The following GCA variants were observed in gnomAD, a reference collection of about 807,000 sequenced individuals.
GCA encodes grancalcin, EF-hand calcium-binding protein.
GCA carries 30 observed loss-of-function variants against 32.6 expected under a neutral mutation model. The observed-to-expected ratio is 0.92, with a 90% CI of 0.69 to 1.25. GCA has a LOEUF of 1.25. GCA is among the 50% of genes most tolerant of loss of function. The pLI, the probability that GCA is intolerant of heterozygous loss-of-function variation, is 0.00. For missense variants in GCA, 291 were observed against 266.8 expected (o/e 1.09, Z -0.63); for synonymous variants, 102 against 84.6 (o/e 1.21, Z -1.13).
Position 162,371,040 on chromosome 2 carries a change from G to T in GCA, c.366-266G>T, listed in dbSNP as rs75164340. Among the ~76,000 whole-genome samples, 1,216 of 152,186 alleles carry T rather than the reference G, an allele frequency of 8.0e-3. 10 individuals carry two copies. Among genetic ancestry groups the T allele is most frequent in the Non-Finnish European group, 0.013 (912 of 67,990 alleles). ...ACAAGAAAGCTGTGGATATCAGTTT[G>T]TGTTAATCACAGTTTAGCAGTACTT... On this transcript the variant is annotated intron_variant, in intron 4 of 4. Transcript: ENST00000414723.
At chr2:162,327,432 A>C (rs888895091) in intron 1 of GCA, among the ~76,000 whole-genome samples, 1 of 152,216 alleles carries the variant, frequency 6.6e-6, no homozygotes, top group Non-Finnish European at 1.5e-5. Context: ...TGCTAGGAGA[A>C]GAACCTCTCA....
chr2:162,352,319 C>G lies in GCA; in HGVS notation c.193-19C>G. On this transcript the variant is annotated intron_variant, in intron 2 of 7. Transcript: ENST00000437150. ...TATACAACTGCACATTAAATTAGGT[C>G]ATAATTATTTTTAAACAGGATGGTG... The G allele has an allele frequency of 7.6e-6, 11 of 1,449,450 alleles. No individual in the cohort carries two copies. Among genetic ancestry groups the G allele is most frequent in the Non-Finnish European group, 1.1e-5 (11 of 1,031,170 alleles). 89.8% of individuals were successfully genotyped at this position (1,449,450 alleles called of 1,614,324 possible).
rs550767538 is a variant in GCA, at chr2:162,328,859, A to C, written c.-31+9634A>C. On this transcript the variant is annotated intron_variant, in intron 1 of 4. Coordinates refer to the GCA transcript ENST00000429691. ...GTTTTATTGAGTGGAGGTGGCTTGG[A>C]GGAAGTCAGAAGGGAATTGAATGGG... is the stretch of plus-strand genomic sequence containing the variant. 4.6e-5 allele frequency among the ~76,000 whole-genome samples: 7 copies of C among 152,246 alleles called. No homozygotes were observed. In the South Asian group the frequency reaches 1.2e-3, roughly 27 times the overall value.
chr2:162,342,474 C>T, upstream of GCA, among the ~76,000 whole-genome samples: 2 of 152,116 alleles, frequency 1.3e-5, 1 homozygote, highest in Non-Finnish European at 2.9e-5. Context: ...TCCCACAAGG[C>T]GAAGAGGAGC....
downstream of GCA, chr2:162,371,629 G>T (rs1685950476): frequency 2.1e-5 from 17 of 791,508 alleles, no homozygotes; most frequent in South Asian, 4.2e-4. Flanking sequence ...TTAACATTTG[G>T]AACCAAAAGT....
intron 5 of GCA, among the ~76,000 whole-genome samples, chr2:162,357,736 C>G (rs1296411230): frequency 6.6e-6 from 1 of 151,492 alleles, no homozygotes; most frequent in African/African-American, 2.4e-5. Context: ...TCCTTAATAC[C>G]TAATGGATTA....
intron 1 of GCA, among the ~76,000 whole-genome samples, chr2:162,337,820 G>C (rs1369675359): frequency 6.6e-6 from 1 of 152,128 alleles, no homozygotes; most frequent in Non-Finnish European, 1.5e-5. Context: ...TAACATTAAA[G>C]GCTCTAAGAA....
chr2:162,342,995 T>C (rs920084624), upstream of GCA, among the ~76,000 whole-genome samples: 3 of 152,196 alleles, frequency 2.0e-5, no homozygotes, highest in Non-Finnish European at 4.4e-5. Flanking sequence ...TTCCCAAGAG[T>C]AGCTAGGACA....
chr2:162,370,022 CA>C (rs1247980870), intron 4 of GCA, among the ~76,000 whole-genome samples: 1 of 152,048 alleles, frequency 6.6e-6, no homozygotes, highest in Non-Finnish European at 1.5e-5. Context: ...AAAAATTAAG[CA>C]GGAATAAGAA....
intron 1 of GCA, among the ~76,000 whole-genome samples, chr2:162,336,378 T>G (rs1684271097): frequency 6.6e-6 from 1 of 152,242 alleles, no homozygotes; most frequent in Non-Finnish European, 1.5e-5. Context: ...CTTTGTTATC[T>G]ATATGCTCAA....
chr2:162,339,428 A>G (rs1043091122), upstream of GCA, among the ~76,000 whole-genome samples: 10 of 152,354 alleles, frequency 6.6e-5, no homozygotes, highest in East Asian at 1.9e-3. Context: ...ATAGATAAAT[A>G]CTAGGGTAGA....
Position 162,360,448 on chromosome 2 carries a change from A to G in GCA, c.*205A>G. On this transcript the variant is annotated 3_prime_UTR_variant, in exon 8 of 8. Coordinates refer to ENST00000437150, the MANE Select transcript of GCA (RefSeq NM_012198.5). ...TTTGAGGTATTACTGCTTTTGGAAA[A>G]GTTATTTTATAAATATGTGCATATT... 9.1e-7 allele frequency: 1 copy of G among 1,100,674 alleles called. No homozygotes were observed. The allele number at this position is 1,100,674 out of a possible 1,614,324, so 68.2% of individuals were successfully genotyped here. A position where few individuals can be genotyped will look rare whatever the true frequency, so the allele number is the denominator to read the frequency against.
chr2:162,374,691 GGA>G (rs906670741), downstream of GCA, among the ~76,000 whole-genome samples: 5 of 151,792 alleles, frequency 3.3e-5, no homozygotes, highest in African/African-American at 1.2e-4. Flanking sequence ...TAATAAACCT[GGA>G]AAACATGAGA....
chr2:162,371,349 A>G (rs1336726772), exon 5 of GCA: 4 of 1,288,894 alleles, frequency 3.1e-6, no homozygotes, highest in African/African-American at 1.5e-5. Flanking sequence ...CTTGATACAG[A>G]AAGACCTGAA....
rs994866406 is a variant in GCA at position 162,362,251 on chromosome 2, A to T, written c.*2008A>T. ...AGTTTTTTCCAAACTTTTTGACCAC[A>T]GAACCCCTTTCTCTAGCAAAACCTA... On this transcript the variant is annotated 3_prime_UTR_variant, in exon 8 of 8. Transcript: ENST00000437150. The T allele has an allele frequency of 2.0e-6, 2 of 984,466 alleles. No homozygotes were observed. The allele number at this position is 984,466 out of a possible 1,614,324, so 61.0% of individuals were successfully genotyped here. A position where few individuals can be genotyped will look rare whatever the true frequency, so the allele number is the denominator to read the frequency against.
intron 1 of GCA, among the ~76,000 whole-genome samples, chr2:162,332,321 A>G (rs1684120476): frequency 7.3e-6 from 1 of 137,710 alleles, no homozygotes; most frequent in Non-Finnish European, 1.6e-5. Flanking sequence ...AAAAAAAAAA[A>G]AATATATATA....
Position 162,344,171 on chromosome 2 carries a change from C to T in GCA, c.-78C>T. On this transcript the variant is annotated 5_prime_UTR_variant, in exon 1 of 8. Coordinates refer to ENST00000437150, the MANE Select transcript of GCA (RefSeq NM_012198.5). ...CCTCACCTGCAGCTGCGCCTCCTTG[C>T]ACCTGCGCCTGTGCTTTTTCTCCCA... is the stretch of plus-strand genomic sequence containing the variant. 1 of 1,512,008 alleles carries T rather than the reference C, an allele frequency of 6.6e-7. No homozygotes were observed. The highest frequency in any genetic ancestry group is 9.2e-7 in the Non-Finnish European group (1 of 1,088,724). 93.7% of individuals were successfully genotyped at this position (1,512,008 alleles called of 1,614,324 possible).
Position 162,362,178 on chromosome 2 carries a change from G to A in GCA, c.*1935G>A. On this transcript the variant is annotated 3_prime_UTR_variant, in exon 8 of 8. Coordinates refer to ENST00000437150, the MANE Select transcript of GCA (RefSeq NM_012198.5). ...AGCTTGACAAGGTATATTAGCATCT[G>A]AAACCCCAAGGTTAATAAAATCAGT... 1.0e-6 allele frequency: 1 copy of A among 984,522 alleles called. No individual in the cohort carries two copies. Among genetic ancestry groups the A allele is most frequent in the Middle Eastern group, 5.2e-4 (1 of 1,914 alleles). The allele number at this position is 984,522 out of a possible 1,614,324, so 61.0% of individuals were successfully genotyped here.
rs970691842 is a variant in GCA, at chr2:162,361,557, T to A, written c.*1314T>A. The A allele has an allele frequency of 1.3e-4, 130 of 982,050 alleles. No homozygotes were observed. In the Middle Eastern group the frequency reaches 3.2e-3, roughly 24 times the overall value. The allele number at this position is 982,050 out of a possible 1,614,324, so 60.8% of individuals were successfully genotyped here. On this transcript the variant is annotated 3_prime_UTR_variant, in exon 8 of 8. Coordinates refer to ENST00000437150, the MANE Select transcript of GCA (RefSeq NM_012198.5). ...AGATGGCAATATCTTGAACAAAATC[T>A]TTTATAAACTTACAGAATTTTAAAT...
Sources: allele counts gnomAD v4.1 joint callset (sites outside exome capture counted in the v4.1 genomes callset), GRCh38; gene constraint gnomAD v4.1.1; transcripts MANE v1.5; gene names NCBI Gene and HGNC (gene_info 2026-07-23, HGNC 2026-07-21).